The following APBA2 variants were observed in gnomAD, a reference collection of about 807,000 sequenced individuals.
The protein encoded by APBA2 is amyloid beta precursor protein binding family A member 2.
In APBA2, 30 loss-of-function variants were observed where a neutral mutation model predicts 75.0. The ratio of observed to expected loss-of-function variants is 0.40; its 90% CI spans 0.30 to 0.54. APBA2 has a LOEUF of 0.54. APBA2 is among the 20% of genes least tolerant of loss of function. The probability of loss-of-function intolerance (pLI) is 0.49; values close to 1 mark genes in which losing one functional copy is unlikely to be tolerated. For missense variants in APBA2, 801 were observed against 1,016.1 expected, an observed-to-expected ratio of 0.79 and a Z score of 2.88; for synonymous variants, 444 against 409.6, an observed-to-expected ratio of 1.08 and a Z score of -1.01.
intron 2 of APBA2, among the ~76,000 whole-genome samples, chr15:28,950,488 G>A (rs1310756063): frequency 3.3e-5 from 5 of 152,134 alleles, no homozygotes; most frequent in East Asian, 3.9e-4. Context: ...TTAGCCAGGC[G>A]TGGTGGTGGG....
At chr15:29,075,074 G>A in intron 5 of APBA2, 73 bp downstream of exon 5, 1 of 1,115,610 alleles carries the variant, frequency 9.0e-7, no homozygotes. Context: ...CCGAGTTGTG[G>A]TCTGCTCACT....
intron 2 of APBA2, among the ~76,000 whole-genome samples, chr15:28,934,043 T>C (rs182786499): frequency 1.4e-5 from 2 of 145,130 alleles, no homozygotes; most frequent in African/African-American, 5.1e-5. Flanking sequence ...AGGCATGGAG[T>C]GGGCAGCTCC....
intron 2 of APBA2, among the ~76,000 whole-genome samples, chr15:28,931,441 C>A (rs2152688611): frequency 6.6e-6 from 1 of 152,334 alleles, no homozygotes; most frequent in Non-Finnish European, 1.5e-5. Flanking sequence ...TGCCCCCATC[C>A]CCTAGCAAAG....
Position 29,046,720 on chromosome 15 carries a change from G to A in APBA2, c.-40-7125G>A, listed in dbSNP as rs890142495. 1.5e-4 allele frequency among the ~76,000 whole-genome samples: 23 copies of A among 152,348 alleles called. 1 individual carries two copies. The highest frequency in any genetic ancestry group is 4.6e-4 in the Admixed American group (7 of 15,308). ...GGGCCTTGTGCCCACCAAAGTGAGC[G>A]AATCACTGCATTGGAGGAGTGACTC... On this transcript the variant is annotated intron_variant, in intron 3 of 14. Coordinates refer to ENST00000683413, the MANE Select transcript of APBA2 (RefSeq NM_001353788.2). This position sits in a 1 kb window ranked among gnomAD's most constrained non-coding sequence, Gnocchi z 5.0.
chr15:28,931,443 CT>C (rs2034558842), intron 2 of APBA2, among the ~76,000 whole-genome samples: 1 of 152,232 alleles, frequency 6.6e-6, no homozygotes, highest in Non-Finnish European at 1.5e-5. Context: ...CCCCCATCCC[CT>C]AGCAAAGTGG....
intron 2 of APBA2, among the ~76,000 whole-genome samples, chr15:28,985,026 GC>G: frequency 6.6e-6 from 1 of 152,256 alleles, no homozygotes; most frequent in East Asian, 1.9e-4. Flanking sequence ...TGCTCCCTCT[GC>G]CTCAGTGGTT....
At position 29,065,004 on chromosome 15, in the gene APBA2, A is replaced by AGTGT. The variant is rs35524060; in HGVS notation, c.952-9897_952-9894dup. Among the ~76,000 whole-genome samples, 1,089 of 148,726 alleles carry AGTGT rather than the reference A, an allele frequency of 7.3e-3. 8 individuals carry two copies. Among genetic ancestry groups the AGTGT allele is most frequent in the African/African-American group, 0.025 (997 of 40,686 alleles). On this transcript the variant is annotated intron_variant, in intron 4 of 14. Transcript: ENST00000683413. Reference sequence around the variant, plus strand: ...GGTGCCAGCAAGCCGAGGTGCTCATAGTGTGTGTGTGTGTGTGTGTGTGCA... The same window carrying AGTGT: ...GGTGCCAGCAAGCCGAGGTGCTCATAGTGTGTGTGTGTGTGTGTGTGTGTGTGCA...
chr15:29,114,924 TGTG>T (rs2044991565), intron 14 of APBA2, among the ~76,000 whole-genome samples: 1 of 107,506 alleles, frequency 9.3e-6, no homozygotes, highest in East Asian at 2.5e-4. Context: ...CAAGCATGAG[TGTG>T]TATGTGTGCA....
chr15:28,952,673 T>G (rs2035952213), intron 2 of APBA2, among the ~76,000 whole-genome samples: 1 of 152,226 alleles, frequency 6.6e-6, no homozygotes, highest in East Asian at 1.9e-4. Flanking sequence ...GGAGGCATGT[T>G]TTATTTTTAC....
chr15:29,018,002 T>G (rs555131324), intron 3 of APBA2, among the ~76,000 whole-genome samples: 52 of 152,330 alleles, frequency 3.4e-4, no homozygotes, highest in African/African-American at 1.2e-3. Context: ...GCCGTGGTTG[T>G]TAATTCGCAT....
intron 2 of APBA2, among the ~76,000 whole-genome samples, chr15:28,971,810 C>T (rs546592641): frequency 3.2e-4 from 48 of 152,220 alleles, no homozygotes; most frequent in Non-Finnish European, 5.0e-4. Flanking sequence ...CTCTCCCTCC[C>T]TACTGACTCT....
rs571343318 is a variant in APBA2 at position 28,970,327 on chromosome 15, GATGTA to G, written c.-94-25420_-94-25416del. On this transcript the variant is annotated intron_variant, in intron 2 of 14. Coordinates refer to ENST00000683413, the MANE Select transcript of APBA2 (RefSeq NM_001353788.2). ...CATTATATAGCATGTAGTGATGTAT[GATGTA>G]ATGTATGATATGTACTATATAATAA... 1.4e-4 allele frequency: 21 copies of G among 150,420 alleles called. No individual in the cohort carries two copies. The East Asian group carries it at 4.1e-3, about 29-fold the overall frequency. The allele number at this position is 150,420 out of a possible 1,614,324, so 9.3% of individuals were successfully genotyped here. A position where few individuals can be genotyped will look rare whatever the true frequency, so the allele number is the denominator to read the frequency against.
At chr15:28,894,492 T>G (rs538570124) in intron 1 of APBA2, among the ~76,000 whole-genome samples, 77 of 152,070 alleles carry the variant, frequency 5.1e-4, no homozygotes, top group African/African-American at 1.8e-3. Context: ...CCCCATCCTA[T>G]AAGAGTGGGT....
intron 2 of APBA2, chr15:28,961,508 T>C (rs977267119): frequency 6.6e-6 from 1 of 152,282 alleles, no homozygotes; most frequent in African/African-American, 2.4e-5. Context: ...GCCACTCAGT[T>C]CAGCTTTGTG....
chr15:29,028,837 C>T (rs572682343), intron 3 of APBA2, among the ~76,000 whole-genome samples: 1 of 152,090 alleles, frequency 6.6e-6, no homozygotes, highest in Non-Finnish European at 1.5e-5. Context: ...TGTTCTTTGC[C>T]TGCTTTTTAA....
At position 29,105,510 on chromosome 15, in the gene APBA2, G is replaced by T. The variant is rs758654640; in HGVS notation, c.1656G>T (p.Met552Ile). 6.2e-7 allele frequency: 1 copy of T among 1,613,822 alleles called. No homozygotes were observed. Among genetic ancestry groups the T allele is most frequent in the Non-Finnish European group, 8.5e-7 (1 of 1,180,030 alleles). The change falls in exon 11 of 15, where the codon ATG (methionine) becomes ATT (isoleucine). Residue 552 changes from methionine to isoleucine, a missense_variant. This residue lies in a region of APBA2 where 367 missense variants were observed against 544.5 expected (regional missense o/e 0.67). Transcript: ENST00000683413. ...EYSDIINTQE[M>I]YNDDLIHFSN... is the part of the protein sequence containing the mutation. ...GCGACATCATCAACACCCAGGAGAT[G>T]TACAACGACGACCTCATCCACTTCT...
intron 2 of APBA2, among the ~76,000 whole-genome samples, chr15:28,929,166 A>C (rs573738669): frequency 6.6e-6 from 1 of 152,250 alleles, no homozygotes; most frequent in East Asian, 1.9e-4. Flanking sequence ...ACCGGGAATC[A>C]TGTTTGTTAT....
chr15:28,913,436 G>T (rs2033526491), intron 1 of APBA2, among the ~76,000 whole-genome samples: 1 of 152,138 alleles, frequency 6.6e-6, no homozygotes, highest in South Asian at 2.1e-4. Flanking sequence ...ACTACCTCCT[G>T]TCCCTTCCCC....
At chr15:29,021,580 C>T (rs903065407) in intron 3 of APBA2, among the ~76,000 whole-genome samples, 14 of 152,110 alleles carry the variant, frequency 9.2e-5, no homozygotes, top group Admixed American at 6.5e-4. Flanking sequence ...CAGCGTGTGC[C>T]GTAAACAGAT....
Sources: gnomAD v4.1 joint callset for allele counts (sites outside exome capture counted in the v4.1 genomes callset) on GRCh38, gnomAD v4.1.1 for gene constraint, gnomAD v4.1.1 regional missense constraint, Gnocchi (gnomAD v3.1) non-coding constraint, MANE v1.5 for transcripts, NCBI Gene and HGNC (gene_info 2026-07-23, HGNC 2026-07-21) for gene names.